The following ARHGAP28 variants were observed in gnomAD, a reference collection of about 807,000 sequenced individuals.
ARHGAP28 encodes the protein rho GTPase-activating protein 28.
In ARHGAP28, 56 loss-of-function variants were observed where a neutral mutation model predicts 90.7. The observed-to-expected ratio is 0.62, with a 90% CI of 0.50 to 0.77. ARHGAP28 has a LOEUF of 0.77. Among genes scored for constraint, ARHGAP28 ranks in the 30% least tolerant of loss-of-function variants. The probability of loss-of-function intolerance (pLI) is 0.00; values close to 1 mark genes in which losing one functional copy is unlikely to be tolerated. For missense variants in ARHGAP28, 869 were observed against 900.9 expected, an observed-to-expected ratio of 0.96 and a Z score of 0.45; for synonymous variants, 308 against 323.3, an observed-to-expected ratio of 0.95 and a Z score of 0.51.
chr18:6,743,707 C>G, intron 1 of ARHGAP28, among the ~76,000 whole-genome samples: 1 of 152,222 alleles, frequency 6.6e-6, no homozygotes. Flanking sequence ...GTAAATATAT[C>G]CCCCAGTGTT....
intron 1 of ARHGAP28, among the ~76,000 whole-genome samples, chr18:6,742,421 C>T (rs533755012): frequency 5.3e-5 from 8 of 152,158 alleles, no homozygotes; most frequent in South Asian, 4.2e-4. Flanking sequence ...CCACCCACCT[C>T]GGCTTTCCAG....
intron 1 of ARHGAP28, among the ~76,000 whole-genome samples, chr18:6,749,344 T>C (rs1161945449): frequency 6.6e-6 from 1 of 152,212 alleles, no homozygotes; most frequent in Non-Finnish European, 1.5e-5. Context: ...TAGTATTGTT[T>C]GACAAAATGC....
chr18:6,876,092 T>G, intron 9 of ARHGAP28, 39 bp from the exon 10 acceptor site: 4 of 1,433,744 alleles, frequency 2.8e-6, no homozygotes, highest in Non-Finnish European at 3.0e-6. Flanking sequence ...TATGATCATA[T>G]AGAGGTACTT....
chr18:6,854,698 C>T (rs1345785959), intron 4 of ARHGAP28, among the ~76,000 whole-genome samples: 1 of 152,062 alleles, frequency 6.6e-6, no homozygotes, highest in African/African-American at 2.4e-5. Flanking sequence ...GAGCCCTGCC[C>T]CCTGCTGAGT....
At chr18:6,843,602 A>G (rs2056843917) in intron 3 of ARHGAP28, among the ~76,000 whole-genome samples, 2 of 152,226 alleles carry the variant, frequency 1.3e-5, no homozygotes, top group Non-Finnish European at 2.9e-5. Context: ...CACGTTTAAA[A>G]AGACATCTCT....
chr18:6,901,372 T>C (rs2057337409), intron 16 of ARHGAP28, among the ~76,000 whole-genome samples: 2 of 152,166 alleles, frequency 1.3e-5, no homozygotes, highest in Admixed American at 6.5e-5. Context: ...CCCCACTCCC[T>C]AAGTGGTCTA....
At chr18:6,794,219 A>AT (rs1473220982) in intron 1 of ARHGAP28, among the ~76,000 whole-genome samples, 1 of 152,150 alleles carries the variant, frequency 6.6e-6, no homozygotes, top group Non-Finnish European at 1.5e-5. Context: ...CTCCCCACAA[A>AT]TTAAGTTTCA....
intron 5 of ARHGAP28, among the ~76,000 whole-genome samples, chr18:6,865,108 A>G (rs1157648231): frequency 1.3e-5 from 2 of 152,032 alleles, no homozygotes; most frequent in Non-Finnish European, 2.9e-5. Flanking sequence ...TCTTGGCTCT[A>G]CTTGGATAAT....
intron 1 of ARHGAP28, among the ~76,000 whole-genome samples, chr18:6,755,889 A>G (rs1316128407): frequency 3.3e-5 from 5 of 152,252 alleles, no homozygotes; most frequent in African/African-American, 9.6e-5. Context: ...TGGTTCATAT[A>G]TAGAATCACA....
At chr18:6,746,462 G>T (rs1257135973) in intron 1 of ARHGAP28, among the ~76,000 whole-genome samples, 4 of 152,142 alleles carry the variant, frequency 2.6e-5, no homozygotes, top group African/African-American at 9.7e-5. Flanking sequence ...TTGGCCTGTG[G>T]GCCATAATAG....
chr18:6,823,296 T>C (rs2056638268), intron 1 of ARHGAP28, among the ~76,000 whole-genome samples: 1 of 152,100 alleles, frequency 6.6e-6, no homozygotes, highest in Non-Finnish European at 1.5e-5. Context: ...CACAAGTAAA[T>C]GGAATAATCT....
At chr18:6,801,855 T>A (rs1442271073) in intron 1 of ARHGAP28, among the ~76,000 whole-genome samples, 1 of 152,166 alleles carries the variant, frequency 6.6e-6, no homozygotes, top group Non-Finnish European at 1.5e-5. Flanking sequence ...TATCAAACAC[T>A]AGATCTTATT....
At chr18:6,883,487 C>T (rs560380973) in intron 11 of ARHGAP28, among the ~76,000 whole-genome samples, 1 of 152,246 alleles carries the variant, frequency 6.6e-6, no homozygotes, top group African/African-American at 2.4e-5. Flanking sequence ...GATCTCCCTG[C>T]CTCACCCTCC....
chr18:6,815,873 A>G (rs2056586888), intron 1 of ARHGAP28, among the ~76,000 whole-genome samples: 1 of 151,712 alleles, frequency 6.6e-6, no homozygotes, highest in Non-Finnish European at 1.5e-5. Flanking sequence ...TTATCCATAA[A>G]TGCCTACCAA....
chr18:6,869,210 C>T (rs1230661210), intron 6 of ARHGAP28, among the ~76,000 whole-genome samples: 4 of 151,040 alleles, frequency 2.6e-5, no homozygotes, highest in East Asian at 1.9e-4. Context: ...TGAATGCAAG[C>T]CCCTGTATAA....
At chr18:6,841,946 T>C (rs1369522655) in intron 3 of ARHGAP28, among the ~76,000 whole-genome samples, 2 of 152,234 alleles carry the variant, frequency 1.3e-5, no homozygotes, top group Non-Finnish European at 2.9e-5. Context: ...CTGAAACTCC[T>C]GTTAGATGAT....
chr18:6,769,193 T>C (rs2056223493), intron 1 of ARHGAP28, among the ~76,000 whole-genome samples: 1 of 151,906 alleles, frequency 6.6e-6, no homozygotes, highest in African/African-American at 2.4e-5. Flanking sequence ...CACAGGACCA[T>C]AGTTGGCATC....
At chr18:6,870,889 CT>C (rs1449575182) in intron 7 of ARHGAP28, among the ~76,000 whole-genome samples, 157 bp downstream of exon 7, 6 of 152,202 alleles carry the variant, frequency 3.9e-5, no homozygotes, top group Admixed American at 1.3e-4. Flanking sequence ...CAAGCTCTGC[CT>C]CCCGGGTTCA....
chr18:6,745,177 T>C (rs934384481), intron 1 of ARHGAP28, among the ~76,000 whole-genome samples: 4 of 152,172 alleles, frequency 2.6e-5, no homozygotes, highest in Admixed American at 6.5e-5. Flanking sequence ...TCTATTTCAC[T>C]TTTTTTCCTC....
Sources: gnomAD v4.1 joint callset for allele counts (sites outside exome capture counted in the v4.1 genomes callset) on GRCh38, gnomAD v4.1.1 for gene constraint, MANE v1.5 for transcripts, NCBI Gene and HGNC (gene_info 2026-07-23, HGNC 2026-07-21) for gene names.